The following ZBTB7A variants were observed in gnomAD, a reference collection of about 807,000 sequenced individuals.
ZBTB7A encodes zinc finger and BTB domain containing 7A, also known as zinc finger and BTB domain-containing protein 7A.
A neutral mutation model predicts 26.7 loss-of-function variants in ZBTB7A; 7 were observed. The observed-to-expected ratio is 0.26, with a 90% CI of 0.15 to 0.49. ZBTB7A has a LOEUF of 0.49. ZBTB7A is among the 20% of genes least tolerant of loss of function. ZBTB7A has a pLI of 0.98. For missense variants in ZBTB7A, 617 were observed against 919.5 expected (o/e 0.67, Z 4.25); for synonymous variants, 452 against 441.0 (o/e 1.02, Z -0.31).
Position 4,066,741 on chromosome 19 carries a change from C to T in ZBTB7A, c.-75G>A, listed in dbSNP as rs370796135. On this transcript the variant is annotated 5_prime_UTR_variant, in exon 1 of 3. Coordinates refer to ENST00000322357, the MANE Select transcript of ZBTB7A (RefSeq NM_015898.4). Reference sequence around the variant, plus strand: ...GCCCGAAGTTGGGACTGGGCTCCCTCGGCCGCTCGCCTCCGGGGTCCGCGG... The same window carrying T: ...GCCCGAAGTTGGGACTGGGCTCCCTTGGCCGCTCGCCTCCGGGGTCCGCGG... 92 of 151,570 alleles carry T rather than the reference C, an allele frequency of 6.1e-4. No homozygotes were observed. In the East Asian group the frequency reaches 0.016, roughly 27 times the overall value. The allele number at this position is 151,570 out of a possible 1,614,324, so 9.4% of individuals were successfully genotyped here.
intron 1 of ZBTB7A, among the ~76,000 whole-genome samples, chr19:4,059,946 G>T (rs1325638305): frequency 6.6e-6 from 1 of 152,076 alleles, no homozygotes; most frequent in East Asian, 1.9e-4. Flanking sequence ...CACGCCTCCG[G>T]AGGTGGCGGT....
chr19:4,054,567 C>A lies in ZBTB7A; in HGVS notation c.666G>T (p.Pro222=), dbSNP rs764897161. Residue 222 remains proline (P), a synonymous_variant, in exon 2 of 3, where the codon CCG becomes CCT. Transcript: ENST00000322357. ...GDCNGLDFYG[P]GPPAERPPTG... is the part of the protein sequence containing the mutation. ...TCGGGGGCCGCTCGGCCGGGGGGCC[C>A]GGCCCATAGAAGTCTAAGCCGTTGC... 9.3e-6 allele frequency: 14 copies of A among 1,506,800 alleles called. No homozygotes were observed. In the East Asian group the frequency reaches 1.4e-4, roughly 15 times the overall value. 93.3% of individuals were successfully genotyped at this position (1,506,800 alleles called of 1,614,324 possible).
At chr19:4,050,909 G>A (rs999693302) in intron 2 of ZBTB7A, among the ~76,000 whole-genome samples, 5 of 151,946 alleles carry the variant, frequency 3.3e-5, no homozygotes, top group Non-Finnish European at 7.4e-5. Context: ...GACCAGCCTG[G>A]CCAACGTGGT....
At chr19:4,059,932 G>T (rs976157720) in intron 1 of ZBTB7A, among the ~76,000 whole-genome samples, 1 of 152,126 alleles carries the variant, frequency 6.6e-6, no homozygotes, top group African/African-American at 2.4e-5. Flanking sequence ...CCCGACACAC[G>T]GTACACGCCT....
At chr19:4,066,115 T>A (rs1599266625) in intron 1 of ZBTB7A, among the ~76,000 whole-genome samples, 1 of 146,460 alleles carries the variant, frequency 6.8e-6, no homozygotes, top group Non-Finnish European at 1.5e-5. Flanking sequence ...AGCCCAGAGG[T>A]CCCTGCGGCC....
At chr19:4,060,220 C>T (rs1366267147) in intron 1 of ZBTB7A, among the ~76,000 whole-genome samples, 2 of 152,126 alleles carry the variant, frequency 1.3e-5, no homozygotes, top group African/African-American at 2.4e-5. Context: ...AAGCCCAACC[C>T]TCCCAGGGTG....
At chr19:4,049,166 G>GTGTGTGTGTA (rs1599249273) in intron 2 of ZBTB7A, among the ~76,000 whole-genome samples, 4 of 13,476 alleles carry the variant, frequency 3.0e-4, no homozygotes, top group Admixed American at 1.6e-3. Flanking sequence ...GTGTGTGTGT[G>GTGTGTGTGTA]TGTATATATA....
At position 4,059,437 on chromosome 19, in the gene ZBTB7A, C is replaced by A. The variant is rs565748278; in HGVS notation, c.-15-4190G>T. On this transcript the variant is annotated intron_variant, in intron 1 of 2. Coordinates refer to ENST00000322357, the MANE Select transcript of ZBTB7A (RefSeq NM_015898.4). ...GGGACCCTCTCTTGGGCCCCTGTTCCCCCCTAAATATCACTGAGGCCCTCC... is the reference window on the plus strand; with the variant it reads ...GGGACCCTCTCTTGGGCCCCTGTTCACCCCTAAATATCACTGAGGCCCTCC... Among the ~76,000 whole-genome samples the A allele has an allele frequency of 4.6e-5, 7 of 152,274 alleles. No homozygotes were observed. The South Asian group carries it at 1.4e-3, about 32-fold the overall frequency.
intron 2 of ZBTB7A, among the ~76,000 whole-genome samples, chr19:4,049,168 GTATATATATATATATATA>G (rs1181215162): frequency 4.0e-4 from 6 of 14,958 alleles, no homozygotes; most frequent in Admixed American, 1.1e-3. Context: ...GTGTGTGTGT[GTATATATATATATATATA>G]TATATATATA....
At chr19:4,049,915 C>A (rs771513669) in intron 2 of ZBTB7A, among the ~76,000 whole-genome samples, 1 of 152,030 alleles carries the variant, frequency 6.6e-6, no homozygotes, top group Non-Finnish European at 1.5e-5. Flanking sequence ...GTCATCACCA[C>A]CTGACTCTTC....
At chr19:4,061,908 C>T (rs2040641928) in intron 1 of ZBTB7A, 3 of 152,254 alleles carry the variant, frequency 2.0e-5, no homozygotes, top group Admixed American at 2.0e-4. Flanking sequence ...AGCTTCCCGT[C>T]ACTGGGGGCA....
At position 4,052,587 on chromosome 19, in the gene ZBTB7A, C is replaced by T. The variant is rs1164965434; in HGVS notation, c.1262+1384G>A. On this transcript the variant is annotated intron_variant, in intron 2 of 2. Transcript: ENST00000322357. The surrounding 1 kb of genome is among the most constrained non-coding windows in gnomAD (Gnocchi z 4.9). ...CTGGGACAATGGCCTCTTTCTTCAG[C>T]CTCGGTGGGCGTGGCTGGGGGAACC... Among the ~76,000 whole-genome samples, 1 of 152,048 alleles carries T rather than the reference C, an allele frequency of 6.6e-6. No individual in the cohort carries two copies. Among genetic ancestry groups the T allele is most frequent in the African/African-American group, 2.4e-5 (1 of 41,402 alleles).
intron 1 of ZBTB7A, among the ~76,000 whole-genome samples, chr19:4,057,830 G>A (rs1467017934): frequency 4.1e-5 from 6 of 146,162 alleles, no homozygotes; most frequent in Non-Finnish European, 4.5e-5. Flanking sequence ...CCTACTTCCC[G>A]CCAGTTCCAC....
chr19:4,065,883 G>A (rs2040691127), intron 1 of ZBTB7A, among the ~76,000 whole-genome samples: 1 of 144,018 alleles, frequency 6.9e-6, no homozygotes, highest in African/African-American at 2.5e-5. Context: ...CCCGGCGAGG[G>A]GAGCCCGGCT....
At chr19:4,063,784 C>T (rs1004730117) in intron 1 of ZBTB7A, among the ~76,000 whole-genome samples, 5 of 152,150 alleles carry the variant, frequency 3.3e-5, no homozygotes, top group African/African-American at 1.2e-4. Flanking sequence ...AGCTCTGACC[C>T]CACCTGAGTG....
chr19:4,048,150 G>A lies in ZBTB7A; in HGVS notation c.1357C>T (p.Leu453=), dbSNP rs764330841. Residue 453 remains leucine (L), a synonymous_variant, in exon 3 of 3, where the codon CTG becomes TTG. Transcript: ENST00000322357. The surrounding 1 kb of genome is among the most constrained non-coding windows in gnomAD (Gnocchi z 6.7). Reference sequence around the variant, plus strand: ...GTGTGCACGCGCATGTGGTTCTTCAGGTCGTAGTTGTGGGCAAAGGCGGCG... The same window carrying A: ...GTGTGCACGCGCATGTGGTTCTTCAAGTCGTAGTTGTGGGCAAAGGCGGCG... ...CGAAFAHNYD[L]KNHMRVHTGL... 1 of 1,609,706 alleles carries A rather than the reference G, an allele frequency of 6.2e-7. No individual in the cohort carries two copies. Among genetic ancestry groups the A allele is most frequent in the South Asian group, 1.1e-5 (1 of 90,624 alleles).
chr19:4,060,577 C>T (rs566476128), intron 1 of ZBTB7A, among the ~76,000 whole-genome samples: 4 of 152,326 alleles, frequency 2.6e-5, no homozygotes, highest in African/African-American at 4.8e-5. Flanking sequence ...GTCGTGAGCT[C>T]GGAAGCACCC....
chr19:4,048,031 G>A lies in ZBTB7A; in HGVS notation c.1476C>T (p.Gly492=). Residue 492 remains glycine, a synonymous_variant, in exon 3 of 3, where the codon GGC becomes GGT. Coordinates refer to ENST00000322357, the MANE Select transcript of ZBTB7A (RefSeq NM_015898.4). The surrounding 1 kb of genome is among the most constrained non-coding windows in gnomAD (Gnocchi z 6.7). ...GCTTGCGGCCGCGGCGCGAGGGGACGCCGTTGCAGCCGTCTTTCTTGAGGT... is the reference window on the plus strand; with the variant it reads ...GCTTGCGGCCGCGGCGCGAGGGGACACCGTTGCAGCCGTCTTTCTTGAGGT... ...HRHLKKDGCN[G]VPSRRGRKPR... 10 of 1,517,788 alleles carry A rather than the reference G, an allele frequency of 6.6e-6. No homozygotes were observed. Among genetic ancestry groups the A allele is most frequent in the Non-Finnish European group, 8.8e-6 (10 of 1,130,822 alleles). The allele number at this position is 1,517,788 out of a possible 1,614,324, so 94.0% of individuals were successfully genotyped here. A position where few individuals can be genotyped will look rare whatever the true frequency, so the allele number is the denominator to read the frequency against.
intron 1 of ZBTB7A, 39 bp from the exon 2 acceptor site, chr19:4,055,286 G>A: frequency 7.0e-7 from 1 of 1,436,382 alleles, no homozygotes; most frequent in South Asian, 1.5e-5. Flanking sequence ...CGTGAGTGGG[G>A]GTGCGGGGGT....
Sources: gnomAD v4.1 joint callset for allele counts (sites outside exome capture counted in the v4.1 genomes callset) on GRCh38, gnomAD v4.1.1 for gene constraint, Gnocchi (gnomAD v3.1) non-coding constraint, MANE v1.5 for transcripts, NCBI Gene and HGNC (gene_info 2026-07-23, HGNC 2026-07-21) for gene names.